HSP90AA1: variants seen among roughly 807,000 people sequenced by gnomAD.
HSP90AA1 encodes heat shock protein HSP 90-alpha.
Under a neutral mutation model 73.3 loss-of-function variants are expected in HSP90AA1, and 18 were observed. The ratio of observed to expected loss-of-function variants is 0.25; its 90% CI spans 0.17 to 0.36. The LOEUF (loss-of-function observed/expected upper bound fraction) is 0.36, where lower values mean the gene tolerates loss of function less well. Among genes scored for constraint, HSP90AA1 ranks in the 10% least tolerant of loss-of-function variants. The pLI, the probability that HSP90AA1 is intolerant of heterozygous loss-of-function variation, is 1.00. For missense variants in HSP90AA1, 704 were observed against 874.2 expected (o/e 0.81, Z 2.45); for synonymous variants, 477 against 296.9 (o/e 1.61, Z -6.24).
upstream of HSP90AA1, among the ~76,000 whole-genome samples, chr14:102,090,138 G>C (rs1023438533): frequency 6.6e-6 from 1 of 152,148 alleles, no homozygotes; most frequent in East Asian, 1.9e-4. Flanking sequence ...TGTGTCTGGC[G>C]CACTCCCCAT....
At position 102,112,932 on chromosome 14, in the gene HSP90AA1, T is replaced by C. The variant is rs559200006; in HGVS notation, c.156-10847A>G. Among the ~76,000 whole-genome samples, 4 of 152,362 alleles carry C rather than the reference T, an allele frequency of 2.6e-5. No individual in the cohort carries two copies. The East Asian group carries it at 7.7e-4, about 29-fold the overall frequency. ...CAATATCTATTTAAACTACTAATAT[T>C]AGCACTTGTTGTAAATTCGCATCTC... On this transcript the variant is annotated intron_variant, in intron 1 of 11. Coordinates refer to the HSP90AA1 transcript ENST00000334701.
intron 1 of HSP90AA1, among the ~76,000 whole-genome samples, chr14:102,116,484 T>G (rs1310702359): frequency 6.6e-6 from 1 of 152,226 alleles, no homozygotes. Flanking sequence ...GGAGCAGGAA[T>G]GGTGGCAGTG....
intron 1 of HSP90AA1, among the ~76,000 whole-genome samples, chr14:102,121,443 A>T (rs1418975046): frequency 6.6e-6 from 1 of 152,196 alleles, no homozygotes; most frequent in East Asian, 1.9e-4. Context: ...AGTTGAGTCA[A>T]ATCACATAAC....
At chr14:102,085,154 G>A (rs547031785) in intron 4 of HSP90AA1, 144 bp downstream of exon 4, 65 of 1,460,654 alleles carry the variant, frequency 4.5e-5, no homozygotes, top group East Asian at 4.5e-5. Flanking sequence ...TTAATAGCCC[G>A]AGGAACTTTT....
intron 10 of HSP90AA1, 103 bp from the exon 11 acceptor site, chr14:102,081,924 A>C: frequency 3.8e-6 from 3 of 792,442 alleles, no homozygotes; most frequent in South Asian, 1.4e-5. Flanking sequence ...ATTACAGGAC[A>C]TATGAGTCTC....
chr14:102,132,631 G>C (rs1284457338), intron 1 of HSP90AA1, among the ~76,000 whole-genome samples: 1 of 152,040 alleles, frequency 6.6e-6, no homozygotes, highest in African/African-American at 2.4e-5. Flanking sequence ...ATACAATCTG[G>C]CTAAAAGGTA....
chr14:102,082,970 T>C (rs777104966), intron 9 of HSP90AA1, 64 bp downstream of exon 9: 157 of 1,498,400 alleles, frequency 1.0e-4, no homozygotes, highest in Middle Eastern at 3.4e-4. Flanking sequence ...AAATGGGCTA[T>C]GTATGACTAA....
At chr14:102,099,832 C>T (rs2152618912) in intron 2 of HSP90AA1, among the ~76,000 whole-genome samples, 1 of 151,946 alleles carries the variant, frequency 6.6e-6, no homozygotes, top group East Asian at 1.9e-4. Context: ...TCACAGGGAC[C>T]CTGGGTTTCC....
chr14:102,086,982 T>A lies in HSP90AA1; in HGVS notation c.-1+4A>T, dbSNP rs1328770206. 1.0e-6 allele frequency: 1 copy of A among 983,766 alleles called. No homozygotes were observed. Among genetic ancestry groups the A allele is most frequent in the African/African-American group, 1.8e-5 (1 of 56,556 alleles). 60.9% of individuals were successfully genotyped at this position (983,766 alleles called of 1,614,324 possible). On this transcript the variant is annotated splice_donor_region_variant and intron_variant, in intron 1 of 10. Transcript: ENST00000216281. ...CTCCACAGGCCCCCACAACCACCCG[T>A]CACCTTGGCTAAGTGACCGCACAGG...
At chr14:102,132,700 T>C (rs1486092403) in intron 1 of HSP90AA1, among the ~76,000 whole-genome samples, 1 of 152,256 alleles carries the variant, frequency 6.6e-6, no homozygotes, top group African/African-American at 2.4e-5. Flanking sequence ...GGCTCATGCC[T>C]GTAATCTCAG....
At chr14:102,135,038 C>G (rs187777303) in intron 1 of HSP90AA1, among the ~76,000 whole-genome samples, 2,139 of 152,312 alleles carry the variant, frequency 0.014, 30 homozygotes, top group Non-Finnish European at 0.018. Flanking sequence ...AAGGCCCCAC[C>G]AGAGCAGCTA....
At chr14:102,098,162 C>CTT (rs968466449) in intron 2 of HSP90AA1, among the ~76,000 whole-genome samples, 1 of 150,800 alleles carries the variant, frequency 6.6e-6, no homozygotes. Flanking sequence ...TTTTCTTTTT[C>CTT]TTTTTTTTTG....
chr14:102,086,188 A>C, intron 2 of HSP90AA1, 29 bp downstream of exon 2: 1 of 1,614,174 alleles, frequency 6.2e-7, no homozygotes. Flanking sequence ...TGAAACCAAA[A>C]TCCGATTCTG....
At chr14:102,113,215 G>A (rs981884515) in intron 1 of HSP90AA1, among the ~76,000 whole-genome samples, 7 of 151,874 alleles carry the variant, frequency 4.6e-5, no homozygotes. Flanking sequence ...GTAGAGACAC[G>A]GTTTCACCAT....
In HSP90AA1 at chr14:102,082,030, T is replaced by C. The variant is rs1375138197; in HGVS notation, c.2089+81A>G. Reference sequence around the variant, plus strand: ...GCAAGCAGGACAAGGTGCTCCAAGTTTGGATAACTGAAAGTTCACCATTTT... The same window carrying C: ...GCAAGCAGGACAAGGTGCTCCAAGTCTGGATAACTGAAAGTTCACCATTTT... On this transcript the variant is annotated intron_variant, in intron 10 of 10. Coordinates refer to ENST00000216281, the MANE Select transcript of HSP90AA1 (RefSeq NM_005348.4). 6 of 1,020,594 alleles carry C rather than the reference T, an allele frequency of 5.9e-6. No individual in the cohort carries two copies. In the South Asian group the frequency reaches 8.0e-5, roughly 14 times the overall value. The allele number at this position is 1,020,594 out of a possible 1,614,324, so 63.2% of individuals were successfully genotyped here.
At chr14:102,083,416 C>G (rs1323377880) in intron 8 of HSP90AA1, 114 bp from the exon 9 acceptor site, 4 of 1,428,884 alleles carry the variant, frequency 2.8e-6, no homozygotes, top group Non-Finnish European at 3.9e-6. Flanking sequence ...AGAAAATGAC[C>G]TAGTTCATGT....
intron 1 of HSP90AA1, among the ~76,000 whole-genome samples, chr14:102,120,481 C>T (rs1040315524): frequency 1.3e-5 from 2 of 151,922 alleles, no homozygotes; most frequent in African/African-American, 4.8e-5. Context: ...TATATTTTGT[C>T]TTTTGAACTT....
chr14:102,109,166 G>C (rs931923564), intron 1 of HSP90AA1, among the ~76,000 whole-genome samples: 31 of 152,204 alleles, frequency 2.0e-4, no homozygotes, highest in African/African-American at 5.8e-4. Flanking sequence ...TGACACCATT[G>C]ATTAGTTTTG....
chr14:102,110,218 C>G (rs1167684166), intron 1 of HSP90AA1, among the ~76,000 whole-genome samples: 9 of 152,124 alleles, frequency 5.9e-5, no homozygotes, highest in African/African-American at 2.2e-4. Context: ...CAGGTGTGAG[C>G]CACCGCACCC....
Sources: allele counts gnomAD v4.1 joint callset (sites outside exome capture counted in the v4.1 genomes callset), GRCh38; gene constraint gnomAD v4.1.1; transcripts MANE v1.5; gene names NCBI Gene and HGNC (gene_info 2026-07-23, HGNC 2026-07-21).